The following RBFOX1 variants were observed in gnomAD, a reference collection of about 807,000 sequenced individuals.
RBFOX1 encodes the protein RNA binding fox-1 homolog 1.
Under a neutral mutation model 57.7 loss-of-function variants are expected in RBFOX1, and 8 were observed. That is an observed-to-expected ratio of 0.14 (90% CI 0.08 to 0.25). The LOEUF is 0.25. Ranked by LOEUF, RBFOX1 falls within the 10% of genes least tolerant of loss-of-function variation. The pLI, the probability that RBFOX1 is intolerant of heterozygous loss-of-function variation, is 1.00. For synonymous variants in RBFOX1, 326 were observed against 222.4 expected (o/e 1.47, Z -4.15); for missense variants, 611 against 548.5 (o/e 1.11, Z -1.14).
At chr16:5,452,458 A>C (rs184261844) in intron 1 of RBFOX1, among the ~76,000 whole-genome samples, 215 of 151,910 alleles carry the variant, frequency 1.4e-3, no homozygotes, top group Non-Finnish European at 2.5e-3. Context: ...ACTGGATACT[A>C]CAGATTTCAC....
Position 6,838,040 on chromosome 16 carries a change from C to T in RBFOX1, c.-16+183390C>T, listed in dbSNP as rs938946394. Among the ~76,000 whole-genome samples, 13 of 151,358 alleles carry T rather than the reference C, an allele frequency of 8.6e-5. No homozygotes were observed. The East Asian group carries it at 1.2e-3, about 14-fold the overall frequency. On this transcript the variant is annotated intron_variant, in intron 3 of 15. Coordinates refer to ENST00000550418, the MANE Select transcript of RBFOX1 (RefSeq NM_018723.4). ...TTTTTTTCCATTTTACTTTAAGTTC[C>T]GGGATGCATGTGCAGAACATGCAGG...
chr16:5,876,053 C>A (rs1031420581), intron 4 of RBFOX1, among the ~76,000 whole-genome samples: 10 of 152,074 alleles, frequency 6.6e-5, no homozygotes, highest in Non-Finnish European at 1.0e-4. Flanking sequence ...CCGTGTTAGC[C>A]AGGGTAGTCT....
At chr16:7,108,933 C>G (rs1337965678) in intron 4 of RBFOX1, among the ~76,000 whole-genome samples, 2 of 152,058 alleles carry the variant, frequency 1.3e-5, no homozygotes. Context: ...TCAACAAACT[C>G]AGACATATGG....
chr16:7,263,709 A>G (rs1298064192), intron 4 of RBFOX1, among the ~76,000 whole-genome samples: 1 of 151,994 alleles, frequency 6.6e-6, no homozygotes, highest in Non-Finnish European at 1.5e-5. Flanking sequence ...CAGCCTGGCT[A>G]ACATGGTGAA....
chr16:6,170,234 A>G (rs949485436), intron 1 of RBFOX1, among the ~76,000 whole-genome samples: 1 of 152,120 alleles, frequency 6.6e-6, no homozygotes, highest in Non-Finnish European at 1.5e-5. Flanking sequence ...AGACTATGAA[A>G]GCCGTGTTCA....
chr16:5,960,159 C>T (rs1041937475), intron 4 of RBFOX1, among the ~76,000 whole-genome samples: 2 of 152,136 alleles, frequency 1.3e-5, no homozygotes, highest in Admixed American at 1.3e-4. Flanking sequence ...CAAGATCGTG[C>T]CATTGCACTC....
intron 3 of RBFOX1, among the ~76,000 whole-genome samples, chr16:5,657,954 ACTC>A (rs1394128280): frequency 6.7e-6 from 1 of 149,262 alleles, no homozygotes; most frequent in Non-Finnish European, 1.5e-5. Flanking sequence ...CTGGTCTTGA[ACTC>A]CTGATTTCAG....
At chr16:5,778,718 A>G (rs1332497204) in intron 3 of RBFOX1, among the ~76,000 whole-genome samples, 1 of 152,062 alleles carries the variant, frequency 6.6e-6, no homozygotes, top group Non-Finnish European at 1.5e-5. Flanking sequence ...CTTCTTCACT[A>G]TGAGGGTGAA....
intron 1 of RBFOX1, among the ~76,000 whole-genome samples, chr16:6,195,507 C>A (rs540329947): frequency 1.3e-5 from 2 of 152,034 alleles, no homozygotes; most frequent in African/African-American, 2.4e-5. Flanking sequence ...CACCTGAGGT[C>A]GGGATTTCGA....
At chr16:6,375,712 C>T (rs1172900256) in intron 2 of RBFOX1, among the ~76,000 whole-genome samples, 1 of 152,112 alleles carries the variant, frequency 6.6e-6, no homozygotes, top group African/African-American at 2.4e-5. Context: ...CGTTGATTAA[C>T]CCAAGGTCAC....
At chr16:7,112,514 C>T (rs1322380025) in intron 4 of RBFOX1, among the ~76,000 whole-genome samples, 3 of 151,850 alleles carry the variant, frequency 2.0e-5, no homozygotes, top group African/African-American at 4.8e-5. Flanking sequence ...GCCTAACAAA[C>T]ATTCTTTTAA....
intron 1 of RBFOX1, among the ~76,000 whole-genome samples, chr16:5,322,135 C>A (rs1235617706): frequency 6.6e-6 from 1 of 152,142 alleles, no homozygotes; most frequent in African/African-American, 2.4e-5. Context: ...AGCTCTGAGT[C>A]ATATTTTCCA....
intron 3 of RBFOX1, among the ~76,000 whole-genome samples, chr16:5,702,891 G>A (rs1483434054): frequency 6.6e-6 from 1 of 152,086 alleles, no homozygotes; most frequent in African/African-American, 2.4e-5. Flanking sequence ...GTGAATATGG[G>A]GAATAGGGGA....
intron 1 of RBFOX1, among the ~76,000 whole-genome samples, chr16:6,147,437 T>G (rs2096766867): frequency 6.6e-6 from 1 of 152,140 alleles, no homozygotes. Flanking sequence ...GCAAAACTCC[T>G]AGCTACTCAG....
downstream of RBFOX1, among the ~76,000 whole-genome samples, chr16:5,600,389 G>C (rs778506864): frequency 2.0e-5 from 3 of 151,738 alleles, no homozygotes; most frequent in Non-Finnish European, 4.4e-5. Flanking sequence ...GGGAGGCTGA[G>C]GTGGGAGGAT....
At chr16:6,788,176 C>T (rs990352783) in intron 3 of RBFOX1, among the ~76,000 whole-genome samples, 3 of 152,108 alleles carry the variant, frequency 2.0e-5, no homozygotes, top group Admixed American at 6.5e-5. Flanking sequence ...GAGCTGAGAT[C>T]GTGCCAGTGC....
chr16:6,193,409 T>TATA (rs2097159036), intron 1 of RBFOX1, among the ~76,000 whole-genome samples: 1 of 72,622 alleles, frequency 1.4e-5, no homozygotes, highest in African/African-American at 3.5e-5. Flanking sequence ...TATATATATA[T>TATA]ATATATATAT....
intron 3 of RBFOX1, among the ~76,000 whole-genome samples, chr16:5,635,796 T>C (rs1042511196): frequency 3.0e-5 from 4 of 133,452 alleles, no homozygotes; most frequent in Non-Finnish European, 6.0e-5. Flanking sequence ...TGTTGATTTG[T>C]AGCACTGGGT....
At chr16:7,020,849 A>C (rs1347953811) in intron 3 of RBFOX1, among the ~76,000 whole-genome samples, 2 of 152,126 alleles carry the variant, frequency 1.3e-5, no homozygotes, top group Non-Finnish European at 2.9e-5. Context: ...TCTCGAGGCC[A>C]GTCTTGAAGG....
Sources: gnomAD v4.1 joint callset for allele counts (sites outside exome capture counted in the v4.1 genomes callset) on GRCh38, gnomAD v4.1.1 for gene constraint, MANE v1.5 for transcripts, NCBI Gene and HGNC (gene_info 2026-07-23, HGNC 2026-07-21) for gene names.